LMX1A: variants seen among roughly 807,000 people sequenced by gnomAD.
The protein encoded by LMX1A is LIM homeobox transcription factor 1-alpha.
Under a neutral mutation model 49.1 loss-of-function variants are expected in LMX1A, and 15 were observed. That is an observed-to-expected ratio of 0.31 (90% CI 0.20 to 0.47). The LOEUF is 0.47. LMX1A is among the 20% of genes least tolerant of loss of function. The pLI is 1.00. For synonymous variants in LMX1A, 167 were observed against 185.7 expected (o/e 0.90, Z 0.82); for missense variants, 372 against 475.8 (o/e 0.78, Z 2.03).
At chr1:165,264,987 A>G (rs372645551) in intron 3 of LMX1A, among the ~76,000 whole-genome samples, 34 of 152,174 alleles carry the variant, frequency 2.2e-4, no homozygotes, top group African/African-American at 8.2e-4. Context: ...GCAGATCACG[A>G]GGCCAGGAGA....
At chr1:165,310,410 T>C (rs1443795182) in intron 3 of LMX1A, among the ~76,000 whole-genome samples, 1 of 152,216 alleles carries the variant, frequency 6.6e-6, no homozygotes, top group Non-Finnish European at 1.5e-5. Context: ...GTGTTTTTAA[T>C]AGAAACTCAT....
chr1:165,278,861 G>A (rs1363896414), intron 3 of LMX1A, among the ~76,000 whole-genome samples: 1 of 152,190 alleles, frequency 6.6e-6, no homozygotes, highest in Admixed American at 6.5e-5. Context: ...CAGTGCTGCT[G>A]AGGTCCCAGA....
At chr1:165,353,361 TC>T (rs1557894240) in intron 2 of LMX1A, 99 bp from the exon 3 acceptor site, 3 of 941,868 alleles carry the variant, frequency 3.2e-6, no homozygotes, top group Non-Finnish European at 4.7e-6. Flanking sequence ...ATCCACGGAT[TC>T]CCCCAGCGCC....
intron 3 of LMX1A, among the ~76,000 whole-genome samples, chr1:165,297,574 A>G (rs577737667): frequency 5.9e-5 from 9 of 152,210 alleles, no homozygotes; most frequent in Admixed American, 5.2e-4. Flanking sequence ...TGGCCTCCAC[A>G]CTCCGGATGG....
At chr1:165,345,714 T>A (rs1656223392) in intron 3 of LMX1A, among the ~76,000 whole-genome samples, 1 of 152,188 alleles carries the variant, frequency 6.6e-6, no homozygotes, top group Non-Finnish European at 1.5e-5. Context: ...AGTGGTCACA[T>A]GACTGTTATT....
chr1:165,220,727 G>T (rs183714198), intron 4 of LMX1A, among the ~76,000 whole-genome samples: 37 of 152,344 alleles, frequency 2.4e-4, no homozygotes, highest in African/African-American at 7.9e-4. Flanking sequence ...GGCCAAGTGT[G>T]TGGAAAATCA....
At chr1:165,260,288 C>T (rs915179421) in intron 3 of LMX1A, among the ~76,000 whole-genome samples, 18 of 151,974 alleles carry the variant, frequency 1.2e-4, no homozygotes, top group African/African-American at 4.1e-4. Context: ...CTGGATGGCA[C>T]GTGGCCAATA....
At chr1:165,236,451 C>T (rs1471036925) in intron 4 of LMX1A, among the ~76,000 whole-genome samples, 2 of 151,982 alleles carry the variant, frequency 1.3e-5, no homozygotes, top group Non-Finnish European at 2.9e-5. Context: ...GATGCCGGGT[C>T]AAATACAGGG....
chr1:165,304,219 C>T (rs1654861024), intron 3 of LMX1A, among the ~76,000 whole-genome samples: 1 of 152,124 alleles, frequency 6.6e-6, no homozygotes, highest in Non-Finnish European at 1.5e-5. Context: ...TAGAGCCCAT[C>T]TCATGGGATC....
intron 4 of LMX1A, among the ~76,000 whole-genome samples, chr1:165,237,393 T>G (rs866071889): frequency 6.6e-6 from 1 of 152,070 alleles, no homozygotes; most frequent in Non-Finnish European, 1.5e-5. Context: ...CCGGCTAATT[T>G]TTTTGTATTT....
At chr1:165,232,371 G>A (rs529108125) in intron 4 of LMX1A, among the ~76,000 whole-genome samples, 47 of 152,292 alleles carry the variant, frequency 3.1e-4, no homozygotes, top group African/African-American at 1.1e-3. Context: ...GCCATTGCAT[G>A]GTTTTATCAG....
At chr1:165,301,305 C>T (rs771790458) in intron 3 of LMX1A, among the ~76,000 whole-genome samples, 1 of 152,108 alleles carries the variant, frequency 6.6e-6, no homozygotes, top group Non-Finnish European at 1.5e-5. Context: ...GATTGCAGAG[C>T]CCCCCATCGC....
intron 3 of LMX1A, among the ~76,000 whole-genome samples, chr1:165,266,595 C>CTTTTTTTTTTTTTTTT (rs61551654): frequency 3.4e-4 from 27 of 79,180 alleles, no homozygotes; most frequent in Non-Finnish European, 4.8e-4. Context: ...TTCTTTCTTT[C>CTTTTTTTTTTTTTTTT]TTTTTTTTTT....
chr1:165,290,889 C>A (rs545844419), intron 3 of LMX1A, among the ~76,000 whole-genome samples: 3 of 152,322 alleles, frequency 2.0e-5, no homozygotes, highest in South Asian at 2.1e-4. Context: ...AACAAGCTTT[C>A]CAGGTGATTC....
chr1:165,311,664 A>C (rs1274635529), intron 3 of LMX1A, among the ~76,000 whole-genome samples: 2 of 152,226 alleles, frequency 1.3e-5, no homozygotes, highest in African/African-American at 4.8e-5. Flanking sequence ...ACCCTGAGTT[A>C]GGCAACCTCT....
At chr1:165,269,414 T>C (rs1478230476) in intron 3 of LMX1A, among the ~76,000 whole-genome samples, 1 of 152,210 alleles carries the variant, frequency 6.6e-6, no homozygotes, top group Non-Finnish European at 1.5e-5. Context: ...ACCCTTTAGA[T>C]CAACCCTCTC....
chr1:165,353,134 G>T lies in LMX1A; in HGVS notation c.205C>A (p.Leu69Met). Residue 69 changes from leucine to methionine, a missense_variant, in exon 3 of 9, where the codon CTG becomes ATG. By Grantham distance (15) the Leu-to-Met change is conservative. Coordinates refer to ENST00000342310, the MANE Select transcript of LMX1A (RefSeq NM_177398.4). ...TCCCGGTAGAAGCAGGTGGTCTCCA[G>T]GGGCTCTTTGCAGGAGGCGCACTGC... ...CVQCASCKEP[L>M]ETTCFYRDKK... The T allele has an allele frequency of 6.2e-7, 1 of 1,614,222 alleles. No individual in the cohort carries two copies. The highest frequency in any genetic ancestry group is 8.5e-7 in the Non-Finnish European group (1 of 1,180,042).
rs372266856 is a variant in LMX1A at position 165,353,047 on chromosome 1, G to A, written c.263+29C>T. On this transcript the variant is annotated intron_variant, in intron 3 of 8. Coordinates refer to ENST00000342310, the MANE Select transcript of LMX1A (RefSeq NM_177398.4). ...CGACGCACACTGATGCCAGTGCGCG[G>A]GGAGCGCTGCGGGGGTGCGGCCACT... is the stretch of plus-strand genomic sequence containing the variant. The A allele has an allele frequency of 6.8e-6, 11 of 1,610,470 alleles. No individual in the cohort carries two copies. In the Admixed American group the frequency reaches 1.8e-4, roughly 27 times the overall value.
chr1:165,221,598 C>T (rs1265863066), intron 4 of LMX1A, among the ~76,000 whole-genome samples: 1 of 152,132 alleles, frequency 6.6e-6, no homozygotes, highest in Non-Finnish European at 1.5e-5. Flanking sequence ...GTTTCTGGGC[C>T]AGGCAGGGGG....
Sources: gnomAD v4.1 joint callset for allele counts (sites outside exome capture counted in the v4.1 genomes callset) on GRCh38, gnomAD v4.1.1 for gene constraint, MANE v1.5 for transcripts, NCBI Gene and HGNC (gene_info 2026-07-23, HGNC 2026-07-21) for gene names.